The following GSDMD variants were observed in gnomAD, a reference collection of about 807,000 sequenced individuals.
GSDMD encodes the protein gasdermin D, also known as gasdermin-D.
GSDMD carries 46 observed loss-of-function variants against 46.7 expected under a neutral mutation model. The ratio of observed to expected loss-of-function variants is 0.99; its 90% CI spans 0.78 to 1.26. GSDMD has a LOEUF of 1.26. Among genes scored for constraint, GSDMD ranks in the 50% most tolerant of loss-of-function variants. GSDMD has a pLI of 0.00. For missense variants in GSDMD, 649 were observed against 638.8 expected (o/e 1.02, Z -0.17); for synonymous variants, 307 against 283.1 (o/e 1.08, Z -0.85).
At chr8:143,553,865 GC>G (rs1211073758), upstream of GSDMD, 1 of 146,820 alleles carries the variant, frequency 6.8e-6, no homozygotes, top group East Asian at 2.6e-4. Flanking sequence ...CGCCTGCTTG[GC>G]CTCAGACCAA....
At chr8:143,557,304 CTGCCGCTATGGCGAAGG>C (rs1563902523), upstream of GSDMD, among the ~76,000 whole-genome samples, 16 of 91,912 alleles carry the variant, frequency 1.7e-4, 1 homozygote, top group African/African-American at 6.6e-4. Context: ...GCGAAGGATG[CTGCCGCTATGGCGAAGG>C]ATGCTGCCGC....
upstream of GSDMD, chr8:143,558,197 C>G: frequency 1.1e-6 from 1 of 889,186 alleles, no homozygotes; most frequent in Non-Finnish European, 1.6e-6. Context: ...TTTGAGGCTA[C>G]CAGGATGGGG....
chr8:143,562,252 G>A lies in GSDMD; in HGVS notation c.1040G>A (p.Gly347Asp). Residue 347 changes from glycine to aspartate, a missense_variant, in exon 9 of 11, where the codon GGT becomes GAT. Transcript: ENST00000262580. ...QSLGPVEPLDGPAGAVLECLV... is the reference protein window; with the variant it reads ...QSLGPVEPLDDPAGAVLECLV... The stretch of plus-strand genomic sequence containing the variant: ...CTTGGGCCGGTGGAGCCCCTGGACG[G>A]TCCAGCAGGTGCTGTCCTGGAGTGC... The A allele has an allele frequency of 1.3e-6, 2 of 1,560,676 alleles. No individual in the cohort carries two copies. The highest frequency in any genetic ancestry group is 1.7e-6 in the Non-Finnish European group (2 of 1,154,796).
rs1823434616 is a variant in GSDMD at position 143,560,706 on chromosome 8, G to A, written c.514G>A (p.Val172Ile). The A allele has an allele frequency of 6.3e-7, 1 of 1,580,684 alleles. No individual in the cohort carries two copies. Among genetic ancestry groups the A allele is most frequent in the Admixed American group, 1.8e-5 (1 of 55,290 alleles). The part of the protein sequence containing the change: ...EVLQTQKEVE[V>I]TRTHKREGSG... The stretch of plus-strand genomic sequence containing the variant: ...GCTGCAGACACAGAAGGAGGTGGAA[G>A]TCACGCGCACCCACAAGCGGGAGGG... The change falls in exon 4 of 11, where the codon GTC becomes ATC. Residue 172 changes from valine to isoleucine, a missense_variant. Physicochemically the swap from Val to Ile is conservative, Grantham distance 29. Coordinates refer to ENST00000262580, the MANE Select transcript of GSDMD (RefSeq NM_024736.7).
chr8:143,562,199 G>T lies in GSDMD; in HGVS notation c.997-10G>T. The T allele has an allele frequency of 6.3e-7, 1 of 1,584,494 alleles. No homozygotes were observed. Among genetic ancestry groups the T allele is most frequent in the Non-Finnish European group, 8.5e-7 (1 of 1,171,838 alleles). ...CCAGCCAGACTCACCTGCCCTTCCC[G>T]TGCCCACAGCTGGAGCAGGGCCAGA... On this transcript the variant is annotated splice_polypyrimidine_tract_variant and intron_variant, in intron 8 of 10. Coordinates refer to ENST00000262580, the MANE Select transcript of GSDMD (RefSeq NM_024736.7).
At chr8:143,558,721 T>TGGGCCCAGCCTCCACTTTCAGC in intron 1 of GSDMD, 1 of 588,046 alleles carries the variant, frequency 1.7e-6, no homozygotes, top group South Asian at 1.9e-5. Context: ...AGCTGCCTTC[T>TGGGCCCAGCCTCCACTTTCAGC]GGGCCCAGCC....
chr8:143,558,573 C>T, intron 1 of GSDMD, 122 bp downstream of exon 1: 3 of 995,236 alleles, frequency 3.0e-6, no homozygotes, highest in Non-Finnish European at 4.1e-6. Context: ...GGCCCCGCGC[C>T]GCACACGGGG....
In GSDMD at chr8:143,561,497, C is replaced by T; in HGVS notation, c.736+74C>T. 5 of 1,444,458 alleles carry T rather than the reference C, an allele frequency of 3.5e-6. No homozygotes were observed. The South Asian group carries it at 4.8e-5, about 14-fold the overall frequency. The allele number at this position is 1,444,458 out of a possible 1,614,324, so 89.5% of individuals were successfully genotyped here. A position where few individuals can be genotyped will look rare whatever the true frequency, so the allele number is the denominator to read the frequency against. ...CTCCCTGGGCAGTTGAGGCCTTCTC[C>T]TCATGTTCTCAGGGCACAGGGAGGC... On this transcript the variant is annotated intron_variant, in intron 6 of 10. Coordinates refer to ENST00000262580, the MANE Select transcript of GSDMD (RefSeq NM_024736.7).
chr8:143,558,075 G>A (rs1243242244), upstream of GSDMD: 2 of 441,300 alleles, frequency 4.5e-6, no homozygotes, highest in East Asian at 1.0e-4. Flanking sequence ...TGTATTTTTA[G>A]TAGAGACGGG....
chr8:143,558,805 C>A, intron 1 of GSDMD: 1 of 581,804 alleles, frequency 1.7e-6, no homozygotes, highest in Non-Finnish European at 3.2e-6. Context: ...CCCAGGTGCC[C>A]CCTATCCCAG....
At chr8:143,558,956 T>G in intron 1 of GSDMD, 1 of 559,816 alleles carries the variant, frequency 1.8e-6, no homozygotes, top group Non-Finnish European at 3.4e-6. Flanking sequence ...GGGTCCCTGG[T>G]GACACTCTGG....
intron 1 of GSDMD, chr8:143,558,837 G>T (rs1266515453): frequency 1.8e-6 from 1 of 547,490 alleles, no homozygotes; most frequent in Non-Finnish European, 3.5e-6. Flanking sequence ...TATGGCCTCT[G>T]ACCCCCAAAG....
At chr8:143,558,870 C>T (rs1027881250) in intron 1 of GSDMD, 13 of 532,150 alleles carry the variant, frequency 2.4e-5, no homozygotes, top group Admixed American at 6.7e-5. Flanking sequence ...ACAGGTGGCT[C>T]ATGGAGCTCC....
upstream of GSDMD, among the ~76,000 whole-genome samples, chr8:143,557,548 C>T (rs911103636): frequency 2.0e-4 from 30 of 151,554 alleles, no homozygotes; most frequent in South Asian, 6.2e-4. Flanking sequence ...CATCTGTTTG[C>T]GTCTTTGCTT....
At chr8:143,560,179 C>T (rs1823418218) in intron 3 of GSDMD, 1 of 704,374 alleles carries the variant, frequency 1.4e-6, no homozygotes. Context: ...AGGTCCCAGC[C>T]TTGCTCTTGG....
Position 143,559,350 on chromosome 8 carries a change from T to G in GSDMD, c.15T>G (p.Phe5Leu). 1 of 1,593,636 alleles carries G rather than the reference T, an allele frequency of 6.3e-7. No homozygotes were observed. The highest frequency in any genetic ancestry group is 2.3e-5 in the East Asian group (1 of 43,420). ...TCCTCAGGAGCATGGGGTCGGCCTT[T>G]GAGCGGGTAGTCCGGAGAGTGGTCC... MGSA[F>L]ERVVRRVVQE... Residue 5 changes from phenylalanine (F) to leucine (L), a missense_variant, in exon 2 of 11, where the codon TTT (phenylalanine) becomes TTG (leucine). Physicochemically the swap from Phe to Leu is conservative, Grantham distance 22 (BLOSUM62 0). Transcript: ENST00000262580.
upstream of GSDMD, chr8:143,555,178 G>GA (rs2130555933): frequency 6.6e-6 from 1 of 152,402 alleles, no homozygotes; most frequent in Non-Finnish European, 1.5e-5. Context: ...AGGATCGCTG[G>GA]AAAATCACCT....
upstream of GSDMD, among the ~76,000 whole-genome samples, chr8:143,554,154 C>G (rs1823257842): frequency 6.6e-6 from 1 of 152,240 alleles, no homozygotes; most frequent in South Asian, 2.1e-4. Flanking sequence ...AGATGGGCTC[C>G]CCTTCCTGCA....
intron 1 of GSDMD, 51 bp from the exon 2 acceptor site, chr8:143,559,281 C>CCCA: frequency 3.9e-5 from 16 of 410,992 alleles, no homozygotes; most frequent in East Asian, 1.3e-4. Flanking sequence ...TTCTCCCACT[C>CCCA]CCTCCCGCCC....
Sources: allele counts gnomAD v4.1 joint callset (sites outside exome capture counted in the v4.1 genomes callset), GRCh38; gene constraint gnomAD v4.1.1; transcripts MANE v1.5; gene names NCBI Gene and HGNC (gene_info 2026-07-23, HGNC 2026-07-21).